LINGO2: variants seen among roughly 807,000 people sequenced by gnomAD.
The protein encoded by LINGO2 is leucine rich repeat and Ig domain containing 2.
A neutral mutation model predicts 30.6 loss-of-function variants in LINGO2; 14 were observed. That is an observed-to-expected ratio of 0.46 (90% CI 0.30 to 0.72). The LOEUF (loss-of-function observed/expected upper bound fraction) is 0.72. LINGO2 is among the 30% of genes least tolerant of loss of function. The pLI, the probability that LINGO2 is intolerant of heterozygous loss-of-function variation, is 0.07. For synonymous variants in LINGO2, 317 were observed against 288.5 expected, an observed-to-expected ratio of 1.10 and a Z score of -1.00; for missense variants, 729 against 751.7, an observed-to-expected ratio of 0.97 and a Z score of 0.35.
At chr9:28,791,202 T>C in the LINGO2 span, among the ~76,000 whole-genome samples, 2 of 152,110 alleles carry the variant, frequency 1.3e-5, no homozygotes, top group African/African-American at 2.4e-5. Context: ...CTAAAATTCC[T>C]ATGAATGTAG....
intron 4 of LINGO2, among the ~76,000 whole-genome samples, chr9:28,101,901 C>T (rs1826427621): frequency 6.6e-6 from 1 of 152,218 alleles, no homozygotes; most frequent in South Asian, 2.1e-4. Flanking sequence ...CACTTGTTTT[C>T]CCTGGGATAA....
the LINGO2 span, among the ~76,000 whole-genome samples, chr9:29,179,197 ATATATG>A: frequency 2.5e-5 from 2 of 80,498 alleles, no homozygotes; most frequent in African/African-American, 8.6e-5. Context: ...ATATATATAT[ATATATG>A]TTTCACTCCT....
At chr9:28,625,220 C>A (rs1826606451) in intron 1 of LINGO2, among the ~76,000 whole-genome samples, 1 of 152,050 alleles carries the variant, frequency 6.6e-6, no homozygotes, top group African/African-American at 2.4e-5. Flanking sequence ...TAGATGAGTG[C>A]CAGCCAAACC....
At chr9:28,283,911 C>T (rs181199968) in intron 4 of LINGO2, among the ~76,000 whole-genome samples, 2 of 152,216 alleles carry the variant, frequency 1.3e-5, no homozygotes, top group Admixed American at 1.3e-4. Flanking sequence ...TGAAGATTGT[C>T]TGTCTTCAGC....
chr9:29,071,456 C>T, the LINGO2 span, among the ~76,000 whole-genome samples: 3 of 141,756 alleles, frequency 2.1e-5, no homozygotes, highest in African/African-American at 7.9e-5. Context: ...TAATACACAA[C>T]TATTGCTGCT....
the LINGO2 span, among the ~76,000 whole-genome samples, chr9:29,122,042 G>A: frequency 6.6e-6 from 1 of 151,448 alleles, no homozygotes; most frequent in Non-Finnish European, 1.5e-5. Flanking sequence ...GATAGAGGAG[G>A]GTCAATGTTT....
intron 2 of LINGO2, among the ~76,000 whole-genome samples, chr9:28,388,199 T>C (rs189619688): frequency 1.3e-5 from 2 of 152,372 alleles, no homozygotes; most frequent in East Asian, 1.9e-4. Flanking sequence ...TTTCTCTCAG[T>C]GTCATGTCTC....
At chr9:28,265,531 G>A (rs955463229) in intron 4 of LINGO2, among the ~76,000 whole-genome samples, 1 of 151,924 alleles carries the variant, frequency 6.6e-6, no homozygotes. Context: ...TAAATGTACT[G>A]TATTTATGTA....
intron 1 of LINGO2, among the ~76,000 whole-genome samples, chr9:28,498,153 C>T (rs896077496): frequency 7.2e-5 from 11 of 152,230 alleles, no homozygotes; most frequent in African/African-American, 2.6e-4. Flanking sequence ...TCTCAAACTC[C>T]GTGCTGGGAG....
chr9:28,342,067 CCTT>C (rs1418696922), intron 3 of LINGO2, among the ~76,000 whole-genome samples: 2 of 152,072 alleles, frequency 1.3e-5, no homozygotes, highest in African/African-American at 2.4e-5. Flanking sequence ...GGAAAGTTCT[CCTT>C]CTTCTAAGGG....
At chr9:29,042,548 C>T in the LINGO2 span, among the ~76,000 whole-genome samples, 1 of 151,854 alleles carries the variant, frequency 6.6e-6, no homozygotes, top group African/African-American at 2.4e-5. Flanking sequence ...CAATTTTTTT[C>T]ATTAAAAATG....
chr9:28,154,537 G>T (rs149112885), intron 4 of LINGO2, among the ~76,000 whole-genome samples: 3,594 of 152,100 alleles, frequency 0.024, 83 homozygotes, highest in Non-Finnish European at 0.036. Context: ...AGGAAATGAG[G>T]GTTTATTCAC....
At chr9:28,740,633 A>T in the LINGO2 span, among the ~76,000 whole-genome samples, 1 of 151,662 alleles carries the variant, frequency 6.6e-6, no homozygotes, top group Non-Finnish European at 1.5e-5. Flanking sequence ...TGAGTTTTAT[A>T]CTAAATACTT....
chr9:29,018,320 G>A, the LINGO2 span, among the ~76,000 whole-genome samples: 5 of 151,664 alleles, frequency 3.3e-5, no homozygotes, highest in African/African-American at 1.2e-4. Flanking sequence ...AGGGAGAAAG[G>A]GGAGCATGGG....
intron 2 of LINGO2, among the ~76,000 whole-genome samples, chr9:28,383,970 G>T (rs1272528287): frequency 1.3e-5 from 2 of 151,888 alleles, no homozygotes; most frequent in African/African-American, 4.8e-5. Flanking sequence ...AAGTTATAAG[G>T]CTTGAGGGCA....
the LINGO2 span, among the ~76,000 whole-genome samples, chr9:28,735,654 C>A: frequency 6.6e-6 from 1 of 151,934 alleles, no homozygotes. Flanking sequence ...ATCTTGAAAA[C>A]TCTTTAAAAA....
chr9:27,998,791 A>G (rs1474614106), intron 5 of LINGO2, among the ~76,000 whole-genome samples: 1 of 152,182 alleles, frequency 6.6e-6, no homozygotes, highest in Non-Finnish European at 1.5e-5. Flanking sequence ...ACTGTCTCAA[A>G]AAAACAGAAC....
At chr9:28,159,392 A>AT (rs1270534357) in intron 4 of LINGO2, among the ~76,000 whole-genome samples, 2 of 152,006 alleles carry the variant, frequency 1.3e-5, no homozygotes, top group African/African-American at 4.8e-5. Flanking sequence ...TGCAGCTTTT[A>AT]TTTTTTCTCT....
intron 2 of LINGO2, among the ~76,000 whole-genome samples, chr9:28,408,136 C>T (rs547197463): frequency 2.0e-5 from 3 of 152,082 alleles, no homozygotes; most frequent in Non-Finnish European, 4.4e-5. Flanking sequence ...AACCAACACT[C>T]GTCTAGGTTC....
Sources: allele counts gnomAD v4.1 joint callset (sites outside exome capture counted in the v4.1 genomes callset), GRCh38; gene constraint gnomAD v4.1.1; transcripts MANE v1.5; gene names NCBI Gene and HGNC (gene_info 2026-07-23, HGNC 2026-07-21).